TRIP11: variants seen among roughly 807,000 people sequenced by gnomAD.
The protein encoded by TRIP11 is thyroid hormone receptor interactor 11.
In TRIP11, 148 loss-of-function variants were observed where a neutral mutation model predicts 223.1. The observed-to-expected ratio is 0.66, with a 90% confidence interval of 0.58 to 0.76. The LOEUF (loss-of-function observed/expected upper bound fraction) is 0.76. Ranked by LOEUF, TRIP11 falls within the 30% of genes least tolerant of loss-of-function variation. TRIP11 has a pLI of 0.00. For missense variants in TRIP11, 2,043 were observed against 2,222.0 expected, an observed-to-expected ratio of 0.92 and a Z score of 1.62; for synonymous variants, 762 against 772.6, an observed-to-expected ratio of 0.99 and a Z score of 0.23.
rs1315060406 is a variant in TRIP11, at chr14:91,999,428, T to C, written c.4704A>G (p.Gln1568=). The C allele has an allele frequency of 4.3e-6, 7 of 1,613,768 alleles. No homozygotes were observed. The highest frequency in any genetic ancestry group is 2.7e-5 in the African/African-American group (2 of 75,056). The change falls in exon 13 of 21, where the codon CAA becomes CAG. Residue 1568 remains glutamine (Q), a synonymous_variant. Transcript: ENST00000267622. ...AACGAAATTCTTTGTCACGTAAACGTTGAACCTAGGTAGAGGACATTATTT... is the reference window on the plus strand; with the variant it reads ...AACGAAATTCTTTGTCACGTAAACGCTGAACCTAGGTAGAGGACATTATTT... ...MENTALQNEV[Q]RLRDKEFRSN...
chr14:91,993,090 A>G (rs75519296), intron 15 of TRIP11, among the ~76,000 whole-genome samples: 1 of 145,462 alleles, frequency 6.9e-6, no homozygotes, highest in South Asian at 2.2e-4. Flanking sequence ...GTTATTATAC[A>G]AAAAAAAAAA....
In TRIP11 at chr14:91,974,722, C is replaced by T. The variant is rs1051340; in HGVS notation, c.5479G>A (p.Gly1827Ser). Residue 1827 changes from glycine to serine, a missense_variant, in exon 19 of 21, where the codon GGT becomes AGT. Coordinates refer to ENST00000267622, the MANE Select transcript of TRIP11 (RefSeq NM_004239.4). ...CACCCAGTCATCCACCTGGTAACAC[C>T]GCCCTGATCGTCATGAAACAACTGA... ...MEQLFHDDQGGVTRWMTGWLG... is the reference protein window; with the variant it reads ...MEQLFHDDQGSVTRWMTGWLG... 0.32 allele frequency: 517,179 copies of T among 1,608,338 alleles called. 84,925 individuals are homozygous for T. Among genetic ancestry groups the T allele is most frequent in the East Asian group, 0.37 (16,588 of 44,754 alleles).
At chr14:91,976,044 G>GT (rs904978671) in intron 17 of TRIP11, 64 bp downstream of exon 17, 869 of 1,457,976 alleles carry the variant, frequency 6.0e-4, no homozygotes, top group Non-Finnish European at 7.3e-4. Context: ...ACATTTAGAA[G>GT]TTTTTTTTTA....
chr14:91,988,636 A>T (rs1298998196), intron 15 of TRIP11, among the ~76,000 whole-genome samples: 1 of 72,746 alleles, frequency 1.4e-5, no homozygotes, highest in Non-Finnish European at 3.3e-5. Flanking sequence ...ACAGAAGTAA[A>T]AAAAAAAAAA....
intron 4 of TRIP11, among the ~76,000 whole-genome samples, chr14:92,021,069 CAA>C (rs1195189927): frequency 2.3e-4 from 15 of 65,298 alleles, no homozygotes; most frequent in Non-Finnish European, 1.6e-4. Context: ...GACTCTGTCT[CAA>C]AAAAAAAAAA....
In TRIP11 at chr14:91,966,518, CT is replaced by C; in HGVS notation, c.*3154del. 1 of 198,264 alleles carries C rather than the reference CT, an allele frequency of 5.0e-6. No individual in the cohort carries two copies. Among genetic ancestry groups the C allele is most frequent in the Non-Finnish European group, 1.0e-5 (1 of 95,748 alleles). The allele number at this position is 198,264 out of a possible 1,614,324, so 12.3% of individuals were successfully genotyped here. On this transcript the variant is annotated 3_prime_UTR_variant, in exon 21 of 21. Coordinates refer to ENST00000267622, the MANE Select transcript of TRIP11 (RefSeq NM_004239.4). ...CACTCTACTGTCCCTGAAGACATAG[CT>C]TTTCCCCCCATTGATTGGATAAGTA...
At chr14:91,979,272 A>AAG (rs1204038145) in intron 16 of TRIP11, among the ~76,000 whole-genome samples, 1,669 of 150,064 alleles carry the variant, frequency 0.011, 31 homozygotes, top group African/African-American at 0.038. Context: ...AAAAAAAAAA[A>AAG]AGAGAGAGAG....
At chr14:91,975,149 G>A in intron 18 of TRIP11, 23 bp downstream of exon 18, 2 of 1,587,360 alleles carry the variant, frequency 1.3e-6, no homozygotes, top group South Asian at 2.2e-5. Flanking sequence ...AATGTGTTCA[G>A]ATGGCTTTCA....
chr14:91,992,804 A>T (rs1028670807), intron 15 of TRIP11, among the ~76,000 whole-genome samples: 1 of 147,784 alleles, frequency 6.8e-6, no homozygotes, highest in African/African-American at 2.5e-5. Flanking sequence ...AGCTACTTGG[A>T]AGGCTGAGGC....
chr14:92,031,657 A>G (rs921703384), intron 2 of TRIP11, among the ~76,000 whole-genome samples: 1 of 152,344 alleles, frequency 6.6e-6, no homozygotes, highest in Non-Finnish European at 1.5e-5. Flanking sequence ...TTTGGAATCA[A>G]TATTTTACAA....
chr14:92,005,859 T>C lies in TRIP11; in HGVS notation c.2117A>G (p.Glu706Gly), dbSNP rs750961239. The C allele has an allele frequency of 2.5e-6, 4 of 1,614,068 alleles. No homozygotes were observed. The highest frequency in any genetic ancestry group is 2.2e-5 in the South Asian group (2 of 91,078). ...TAGAGTCTCCACAATAGTGTTTTTT[T>C]CCAGAGAAAGCTGATTGTTACCAGC... ...CLAGNNQLSL[E>G]KNTIVETLKM... The change falls in exon 11 of 21, where the codon GAA becomes GGA. Residue 706 changes from glutamate (E) to glycine (G), a missense_variant. By Grantham distance (98) the Glu-to-Gly change is moderately conservative. Coordinates refer to ENST00000267622, the MANE Select transcript of TRIP11 (RefSeq NM_004239.4).
chr14:92,027,441 G>T (rs1453556411), intron 2 of TRIP11, among the ~76,000 whole-genome samples: 1 of 151,868 alleles, frequency 6.6e-6, no homozygotes, highest in Non-Finnish European at 1.5e-5. Context: ...AAAAATAAAA[G>T]GTTTCTTTTT....
At chr14:92,027,005 C>T (rs1321030963) in intron 2 of TRIP11, 5 of 682,580 alleles carry the variant, frequency 7.3e-6, no homozygotes, top group Middle Eastern at 4.3e-4. Flanking sequence ...GCCCGCCCAC[C>T]GTGGGCAGTG....
At chr14:91,998,006 C>A (rs1049742527) in intron 13 of TRIP11, among the ~76,000 whole-genome samples, 1 of 151,932 alleles carries the variant, frequency 6.6e-6, no homozygotes, top group Non-Finnish European at 1.5e-5. Context: ...TGTTTTAATC[C>A]CCGTTTTAAA....
chr14:92,018,973 A>AC (rs1444473459), intron 4 of TRIP11, among the ~76,000 whole-genome samples: 2 of 151,014 alleles, frequency 1.3e-5, no homozygotes, highest in Non-Finnish European at 3.0e-5. Flanking sequence ...AAAAAAAAAA[A>AC]AAAAACAAAA....
In TRIP11 at chr14:91,974,541, T is replaced by A. The variant is rs71430745; in HGVS notation, c.5574+86A>T. Reference sequence around the variant, plus strand: ...ATAAAAGGGTTGTATAAAATAATTTTAAAAAAAAATCTGATTCTTTGCAAA... The same window carrying A: ...ATAAAAGGGTTGTATAAAATAATTTAAAAAAAAAATCTGATTCTTTGCAAA... On this transcript the variant is annotated intron_variant, in intron 19 of 20. Coordinates refer to ENST00000267622, the MANE Select transcript of TRIP11 (RefSeq NM_004239.4). The A allele has an allele frequency of 0.038, 42,657 of 1,124,362 alleles. 972 individuals carry two copies. The highest frequency in any genetic ancestry group is 0.085 in the African/African-American group (5,464 of 64,434). The allele number at this position is 1,124,362 out of a possible 1,614,324, so 69.6% of individuals were successfully genotyped here. A position where few individuals can be genotyped will look rare whatever the true frequency, so the allele number is the denominator to read the frequency against.
rs118052934 is a variant in TRIP11 at position 91,992,437 on chromosome 14, A to G, written c.5160+1372T>C. The stretch of plus-strand genomic sequence containing the variant: ...GCATTGTTAGTCTTATATTTTATAC[A>G]TATTATCTAAATTGTTTTGCAGCCA... On this transcript the variant is annotated intron_variant, in intron 15 of 20. Transcript: ENST00000267622. Among the ~76,000 whole-genome samples the G allele has an allele frequency of 7.7e-3, 1,177 of 152,254 alleles. 6 individuals are homozygous for G. Among genetic ancestry groups the G allele is most frequent in the Admixed American group, 0.012 (178 of 15,290 alleles).
Position 91,988,364 on chromosome 14 carries a change from T to C in TRIP11, c.5180A>G (p.Asn1727Ser), listed in dbSNP as rs921399743. ...ISLQECLDEA[N>S]AALDSASRLT... Reference sequence around the variant, plus strand: ...TCTTGATGCTGAATCCAATGCAGCATTTGCTTCATCCAAACATTCCTGAGA... The same window carrying C: ...TCTTGATGCTGAATCCAATGCAGCACTTGCTTCATCCAAACATTCCTGAGA... The change falls in exon 16 of 21, where the codon AAT becomes AGT. Residue 1727 changes from asparagine (N) to serine (S), a missense_variant. By Grantham distance (46) the Asn-to-Ser change is conservative. Coordinates refer to ENST00000267622, the MANE Select transcript of TRIP11 (RefSeq NM_004239.4). The C allele has an allele frequency of 1.2e-6, 2 of 1,613,762 alleles. No homozygotes were observed. The highest frequency in any genetic ancestry group is 2.7e-5 in the African/African-American group (2 of 74,908).
At chr14:91,985,993 C>T (rs542203688) in intron 16 of TRIP11, among the ~76,000 whole-genome samples, 2 of 152,280 alleles carry the variant, frequency 1.3e-5, no homozygotes, top group Non-Finnish European at 2.9e-5. Context: ...TTAAGAAGAG[C>T]TGTAAATGGC....
Sources: gnomAD v4.1 joint callset for allele counts (sites outside exome capture counted in the v4.1 genomes callset) on GRCh38, gnomAD v4.1.1 for gene constraint, MANE v1.5 for transcripts, NCBI Gene and HGNC (gene_info 2026-07-23, HGNC 2026-07-21) for gene names.